The following NBEA variants were observed in gnomAD, a reference collection of about 807,000 sequenced individuals.
NBEA encodes the protein lysosomal-trafficking regulator 2.
Under a neutral mutation model 343.4 loss-of-function variants are expected in NBEA, and 44 were observed. The ratio of observed to expected loss-of-function variants is 0.13; its 90% CI spans 0.10 to 0.16. The LOEUF (loss-of-function observed/expected upper bound fraction) is 0.16. Ranked by LOEUF, NBEA falls within the 10% of genes least tolerant of loss-of-function variation. NBEA has a pLI of 1.00. For missense variants in NBEA, 2,555 were observed against 3,631.3 expected (o/e 0.70, Z 7.62); for synonymous variants, 1,175 against 1,238.7 (o/e 0.95, Z 1.08).
intron 1 of NBEA, among the ~76,000 whole-genome samples, chr13:34,945,148 C>G (rs891858878): frequency 2.0e-5 from 3 of 152,068 alleles, no homozygotes; most frequent in Admixed American, 6.5e-5. Context: ...CCAAATCTAC[C>G]TAAGATTTTG....
At position 34,942,838 on chromosome 13, in the gene NBEA, G is replaced by T; in HGVS notation, c.18G>T (p.Pro6=). ...GGGGGCCAATGGCTAGCGAGAAGCC[G>T]GGCCCGGGCCCGGGGCTCGAGCCTC... MASEK[P]GPGPGLEPQP... The change falls in exon 1 of 59, where the codon CCG becomes CCT. Residue 6 remains proline (P), a synonymous_variant. Coordinates refer to ENST00000379939, the MANE Select transcript of NBEA (RefSeq NM_001385012.1). The T allele has an allele frequency of 7.3e-7, 1 of 1,360,870 alleles. No individual in the cohort carries two copies. The allele number at this position is 1,360,870 out of a possible 1,614,324, so 84.3% of individuals were successfully genotyped here.
At chr13:35,364,749 G>A (rs903859175) in intron 38 of NBEA, among the ~76,000 whole-genome samples, 1 of 151,846 alleles carries the variant, frequency 6.6e-6, no homozygotes, top group African/African-American at 2.4e-5. Context: ...AAAGTCTTCA[G>A]TAGATAAGTG....
chr13:35,477,465 T>C (rs2075927187), intron 41 of NBEA, among the ~76,000 whole-genome samples: 1 of 152,194 alleles, frequency 6.6e-6, no homozygotes, highest in Admixed American at 6.5e-5. Flanking sequence ...GACACAACGC[T>C]ATATATGCAC....
intron 1 of NBEA, among the ~76,000 whole-genome samples, chr13:34,986,636 G>T (rs1382440315): frequency 6.6e-6 from 1 of 150,830 alleles, no homozygotes; most frequent in African/African-American, 2.4e-5. Flanking sequence ...ACAGTAGGGT[G>T]TTAAAGTCTC....
intron 58 of NBEA, among the ~76,000 whole-genome samples, chr13:35,669,235 A>G (rs1318894278): frequency 6.6e-6 from 1 of 152,222 alleles, no homozygotes; most frequent in Non-Finnish European, 1.5e-5. Flanking sequence ...TTAGAAATAT[A>G]AAGTCTAAAG....
intron 49 of NBEA, among the ~76,000 whole-genome samples, chr13:35,636,836 A>G (rs2083712969): frequency 6.6e-6 from 1 of 152,240 alleles, no homozygotes; most frequent in South Asian, 2.1e-4. Flanking sequence ...TTAAGCGATC[A>G]TCTGCTAAAA....
intron 13 of NBEA, among the ~76,000 whole-genome samples, chr13:35,113,623 A>G (rs113221223): frequency 2.5e-4 from 38 of 150,242 alleles, no homozygotes; most frequent in African/African-American, 8.5e-4. Context: ...CTATCTATCT[A>G]TCTATCTGTC....
chr13:35,434,204 C>A (rs1394502761), intron 39 of NBEA, among the ~76,000 whole-genome samples: 2 of 151,852 alleles, frequency 1.3e-5, no homozygotes, highest in Non-Finnish European at 2.9e-5. Flanking sequence ...AATTTAAAAT[C>A]TTTGAATAAA....
intron 10 of NBEA, among the ~76,000 whole-genome samples, chr13:35,094,938 A>G (rs1436318373): frequency 6.6e-6 from 1 of 151,820 alleles, no homozygotes; most frequent in Non-Finnish European, 1.5e-5. Flanking sequence ...TTTAGGGGGA[A>G]TCTTTACTTT....
At chr13:35,219,199 GCCTTGCCTT>G (rs1255234329) in intron 33 of NBEA, among the ~76,000 whole-genome samples, 26 of 151,928 alleles carry the variant, frequency 1.7e-4, no homozygotes, top group East Asian at 5.8e-4. Context: ...CTGCCTTCCT[GCCTTGCCTT>G]CCTTGCCTTC....
chr13:35,101,217 C>T (rs542968053), intron 11 of NBEA, among the ~76,000 whole-genome samples: 1 of 151,994 alleles, frequency 6.6e-6, no homozygotes, highest in African/African-American at 2.4e-5. Context: ...CAGTAGATAC[C>T]TAGGAGTTAA....
chr13:35,160,867 AT>A (rs1306811698), intron 22 of NBEA, among the ~76,000 whole-genome samples: 1 of 152,154 alleles, frequency 6.6e-6, no homozygotes, highest in African/African-American at 2.4e-5. Context: ...ATAAGAATAC[AT>A]TTACCGTTAA....
At chr13:35,115,776 G>C (rs1389143006) in intron 13 of NBEA, among the ~76,000 whole-genome samples, 1 of 152,176 alleles carries the variant, frequency 6.6e-6, no homozygotes, top group African/African-American at 2.4e-5. Context: ...TTGAGTGCTT[G>C]TGATTAAAAT....
At chr13:35,146,313 A>T (rs1242785469) in intron 18 of NBEA, among the ~76,000 whole-genome samples, 2 of 152,158 alleles carry the variant, frequency 1.3e-5, no homozygotes, top group Non-Finnish European at 2.9e-5. Context: ...AACATCCATG[A>T]CAATGCAGTT....
At chr13:35,337,862 C>T (rs1209928949) in intron 36 of NBEA, among the ~76,000 whole-genome samples, 1 of 151,702 alleles carries the variant, frequency 6.6e-6, no homozygotes, top group Non-Finnish European at 1.5e-5. Context: ...AAACAGGAAA[C>T]TACTAAATAA....
At chr13:35,040,482 C>T (rs1371839254) in intron 1 of NBEA, among the ~76,000 whole-genome samples, 1 of 151,530 alleles carries the variant, frequency 6.6e-6, no homozygotes, top group Non-Finnish European at 1.5e-5. Context: ...TTTCATATTT[C>T]TTTATCTTCT....
intron 1 of NBEA, among the ~76,000 whole-genome samples, chr13:35,037,218 A>C (rs2062476618): frequency 6.6e-6 from 1 of 152,134 alleles, no homozygotes; most frequent in African/African-American, 2.4e-5. Flanking sequence ...TGCATTTTTG[A>C]ACTGCAGAAT....
intron 21 of NBEA, among the ~76,000 whole-genome samples, chr13:35,158,114 G>GAGGT (rs1292897923): frequency 6.6e-6 from 1 of 152,090 alleles, no homozygotes; most frequent in Non-Finnish European, 1.5e-5. Flanking sequence ...TTCACCCAAA[G>GAGGT]AGGTGATAAG....
chr13:35,046,385 A>G (rs1484717851), intron 4 of NBEA, among the ~76,000 whole-genome samples: 5 of 152,130 alleles, frequency 3.3e-5, no homozygotes, highest in Non-Finnish European at 7.3e-5. Context: ...AACATTGTAC[A>G]TTCCTATAAG....
Sources: gnomAD v4.1 joint callset for allele counts (sites outside exome capture counted in the v4.1 genomes callset) on GRCh38, gnomAD v4.1.1 for gene constraint, MANE v1.5 for transcripts, NCBI Gene and HGNC (gene_info 2026-07-23, HGNC 2026-07-21) for gene names.